The following CTNNA1 variants were observed in gnomAD, a reference collection of about 807,000 sequenced individuals.
CTNNA1 encodes catenin alpha-1.
CTNNA1 carries 37 observed loss-of-function variants against 98.4 expected under a neutral mutation model. The observed-to-expected ratio is 0.38, with a 90% CI of 0.29 to 0.49. CTNNA1 has a LOEUF of 0.49. Ranked by LOEUF, CTNNA1 falls within the 20% of genes least tolerant of loss-of-function variation. The probability of loss-of-function intolerance (pLI) is 0.95; values close to 1 mark genes in which losing one functional copy is unlikely to be tolerated. For synonymous variants in CTNNA1, 404 were observed against 413.2 expected, an observed-to-expected ratio of 0.98 and a Z score of 0.27; for missense variants, 761 against 1,147.2, an observed-to-expected ratio of 0.66 and a Z score of 4.86.
At chr5:138,930,452 T>C (rs745525451) in intron 14 of CTNNA1, 21 bp from the exon 15 acceptor site, 6 of 1,583,182 alleles carry the variant, frequency 3.8e-6, no homozygotes, top group Non-Finnish European at 5.2e-6. Flanking sequence ...ATGTAAGAGC[T>C]CTTTGTGCTT....
chr5:138,931,147 A>C, intron 16 of CTNNA1: 5 of 538,610 alleles, frequency 9.3e-6, no homozygotes, highest in South Asian at 6.7e-5. Context: ...GCCAAAATTA[A>C]CCTCTGCTAT....
intron 10 of CTNNA1, among the ~76,000 whole-genome samples, chr5:138,917,216 G>A (rs182021584): frequency 2.0e-5 from 3 of 152,252 alleles, no homozygotes; most frequent in East Asian, 1.9e-4. Context: ...ATAATGTATC[G>A]AGAACCTGAA....
chr5:138,791,318 C>T (rs1423665098), intron 3 of CTNNA1, among the ~76,000 whole-genome samples: 2 of 152,084 alleles, frequency 1.3e-5, no homozygotes, highest in Non-Finnish European at 2.9e-5. Context: ...CATAAATCAT[C>T]TTTTATGTAA....
intron 7 of CTNNA1, chr5:138,868,890 T>A (rs1765063907): frequency 1.3e-5 from 2 of 152,144 alleles, no homozygotes; most frequent in African/African-American, 4.8e-5. Context: ...TCAAAATTGA[T>A]AGGTTATCAA....
rs938635082 is a variant in CTNNA1, at chr5:138,827,924, T to C, written c.1062+206T>C. 1.2e-5 allele frequency: 7 copies of C among 588,406 alleles called. 1 individual carries two copies. The highest frequency in any genetic ancestry group is 6.0e-5 in the East Asian group (2 of 33,184). The allele number at this position is 588,406 out of a possible 1,614,324, so 36.4% of individuals were successfully genotyped here. On this transcript the variant is annotated intron_variant, in intron 7 of 17. Transcript: ENST00000302763. ...AGCTTATTGAGAAATTTTCAACTTA[T>C]AAAAATCATACAGTGAATACCTAGG...
chr5:138,822,771 A>G (rs761433637), intron 5 of CTNNA1, among the ~76,000 whole-genome samples: 3 of 152,184 alleles, frequency 2.0e-5, no homozygotes, highest in Non-Finnish European at 4.4e-5. Flanking sequence ...TTAGATTCCA[A>G]ATGAGAAAAG....
intron 6 of CTNNA1, among the ~76,000 whole-genome samples, chr5:138,827,136 G>A (rs1760805105): frequency 6.6e-6 from 1 of 152,142 alleles, no homozygotes. Context: ...TCACATGGCA[G>A]TTTTATATTC....
chr5:138,853,966 G>A (rs1056771363), intron 7 of CTNNA1, among the ~76,000 whole-genome samples: 2 of 152,086 alleles, frequency 1.3e-5, no homozygotes, highest in African/African-American at 4.8e-5. Context: ...AATTGTTTAA[G>A]ATCAAAATTC....
At chr5:138,771,645 C>T (rs536568205) in intron 1 of CTNNA1, among the ~76,000 whole-genome samples, 32 of 152,188 alleles carry the variant, frequency 2.1e-4, no homozygotes, top group African/African-American at 7.7e-4. Flanking sequence ...CCTTGGCCTC[C>T]CAGAGTGCTG....
At chr5:138,881,288 A>C in intron 7 of CTNNA1, 1 of 328,042 alleles carries the variant, frequency 3.0e-6, no homozygotes, top group East Asian at 7.8e-5. Context: ...TTGTATTCTA[A>C]GATTGATCTA....
chr5:138,835,442 A>ATT (rs1367649630), intron 7 of CTNNA1, among the ~76,000 whole-genome samples: 1 of 152,176 alleles, frequency 6.6e-6, no homozygotes, highest in African/African-American at 2.4e-5. Flanking sequence ...GCTTACCTAA[A>ATT]TTAGTAGTCC....
intron 7 of CTNNA1, among the ~76,000 whole-genome samples, chr5:138,878,713 T>C (rs755855466): frequency 2.6e-5 from 4 of 152,162 alleles, no homozygotes; most frequent in South Asian, 4.1e-4. Context: ...TGTACAGATA[T>C]ATTCATGAAA....
chr5:138,913,574 AC>A (rs954565039), intron 10 of CTNNA1, among the ~76,000 whole-genome samples: 6 of 138,820 alleles, frequency 4.3e-5, no homozygotes, highest in Admixed American at 4.2e-4. Flanking sequence ...ATAGAGGGAG[AC>A]CCTGTCTCAA....
At chr5:138,829,414 T>C (rs1019291950) in intron 7 of CTNNA1, among the ~76,000 whole-genome samples, 1 of 152,296 alleles carries the variant, frequency 6.6e-6, no homozygotes, top group Non-Finnish European at 1.5e-5. Flanking sequence ...TATGTAGTTA[T>C]GATGAGGAAA....
chr5:138,842,104 G>A (rs1485090536), intron 7 of CTNNA1, among the ~76,000 whole-genome samples: 8 of 151,974 alleles, frequency 5.3e-5, no homozygotes, highest in Admixed American at 3.3e-4. Context: ...AAATTATACC[G>A]GCCGGGGCAA....
chr5:138,764,416 G>A (rs1752686122), intron 1 of CTNNA1, among the ~76,000 whole-genome samples: 1 of 152,012 alleles, frequency 6.6e-6, no homozygotes, highest in South Asian at 2.1e-4. Flanking sequence ...TAAGTGAAAT[G>A]TGAGTTTGAT....
At chr5:138,909,600 A>C (rs1048287592) in intron 10 of CTNNA1, among the ~76,000 whole-genome samples, 1 of 151,998 alleles carries the variant, frequency 6.6e-6, no homozygotes, top group Non-Finnish European at 1.5e-5. Context: ...GAGCCTCCCA[A>C]AGTGCTGGGA....
chr5:138,767,414 G>A (rs762764580), intron 1 of CTNNA1, among the ~76,000 whole-genome samples: 3 of 152,018 alleles, frequency 2.0e-5, no homozygotes, highest in African/African-American at 7.2e-5. Context: ...TGTGGTTGCC[G>A]GAAGGTGCTG....
At chr5:138,786,356 T>C (rs145470718) in intron 3 of CTNNA1, among the ~76,000 whole-genome samples, 257 of 152,334 alleles carry the variant, frequency 1.7e-3, no homozygotes, top group African/African-American at 5.9e-3. Flanking sequence ...AAAATACATA[T>C]TACAAAAATA....
Sources: gnomAD v4.1 joint callset for allele counts (sites outside exome capture counted in the v4.1 genomes callset) on GRCh38, gnomAD v4.1.1 for gene constraint, MANE v1.5 for transcripts, NCBI Gene and HGNC (gene_info 2026-07-23, HGNC 2026-07-21) for gene names.